Variants in LCT observed in about 807,000 individuals in gnomAD.
LCT encodes lactase/phlorizin hydrolase.
LCT carries 90 observed loss-of-function variants against 173.0 expected under a neutral mutation model. The ratio of observed to expected loss-of-function variants is 0.52; its 90% confidence interval spans 0.44 to 0.62. LCT has a LOEUF of 0.62. Ranked by LOEUF, LCT falls within the 20% of genes least tolerant of loss-of-function variation. The probability of loss-of-function intolerance (pLI) is 0.00; values close to 1 mark genes in which losing one functional copy is unlikely to be tolerated. For missense variants in LCT, 1,864 were observed against 2,431.4 expected (o/e 0.77, Z 4.91); for synonymous variants, 853 against 957.6 (o/e 0.89, Z 2.02).
At chr2:135,827,243 T>C (rs973504335) in intron 3 of LCT, among the ~76,000 whole-genome samples, 3 of 152,204 alleles carry the variant, frequency 2.0e-5, no homozygotes, top group Non-Finnish European at 4.4e-5. Context: ...CCTCCCAAAG[T>C]GCTGGGATTA....
intron 6 of LCT, among the ~76,000 whole-genome samples, chr2:135,815,260 A>C (rs2077769703): frequency 6.6e-6 from 1 of 152,264 alleles, no homozygotes; most frequent in Non-Finnish European, 1.5e-5. Flanking sequence ...AATAAAGGGA[A>C]GAATTGAAGG....
At position 135,817,480 on chromosome 2, in the gene LCT, G is replaced by T; in HGVS notation, c.1568C>A (p.Ala523Glu). Residue 523 changes from alanine to glutamate, a missense_variant, in exon 6 of 17, where the codon GCG (alanine) becomes GAG (glutamate). Physicochemically the swap from Ala to Glu is moderately radical, Grantham distance 107. This residue lies in a region of LCT where 183 missense variants were observed against 293.1 expected (regional missense o/e 0.62). Coordinates refer to ENST00000264162, the MANE Select transcript of LCT (RefSeq NM_002299.4). ...CCCAAATGTGGAGAAGCAGAAGGCC[G>T]CATAGTCCAGGAAGGCATCCACCAC... Reference protein sequence around the residue: ...ESVVDAFLDYAAFCFSTFGDR... With the variant: ...ESVVDAFLDYEAFCFSTFGDR... The T allele has an allele frequency of 6.2e-7, 1 of 1,614,174 alleles. No homozygotes were observed. The highest frequency in any genetic ancestry group is 1.1e-5 in the South Asian group (1 of 91,090).
intron 2 of LCT, among the ~76,000 whole-genome samples, chr2:135,831,437 G>A (rs1180684772): frequency 2.0e-5 from 3 of 152,096 alleles, no homozygotes; most frequent in African/African-American, 4.8e-5. Context: ...TGTGGGATTC[G>A]TCCCACTCGG....
intron 9 of LCT, among the ~76,000 whole-genome samples, chr2:135,806,832 T>C (rs1408358750): frequency 1.3e-5 from 2 of 152,200 alleles, no homozygotes; most frequent in Admixed American, 1.3e-4. Flanking sequence ...TTGTGAGCAA[T>C]GCGTGACTGT....
rs1186807072 is a variant in LCT, at chr2:135,836,758, C to T, written c.412G>A (p.Ala138Thr). Residue 138 changes from alanine (A) to threonine (T), a missense_variant, in exon 1 of 17, where the codon GCC becomes ACC. By Grantham distance (58) the Ala-to-Thr change is moderately conservative. Coordinates refer to ENST00000264162, the MANE Select transcript of LCT (RefSeq NM_002299.4). ...GCTTCGGTTCTCCGGAGGGTGCTGGCAGGGAGGGTCTGGTGGTGCAGGATG... is the reference window on the plus strand; with the variant it reads ...GCTTCGGTTCTCCGGAGGGTGCTGGTAGGGAGGGTCTGGTGGTGCAGGATG... ...MVILHHQTLPASTLRRTEAFA... is the reference protein window; with the variant it reads ...MVILHHQTLPTSTLRRTEAFA... 6.2e-7 allele frequency: 1 copy of T among 1,614,106 alleles called. No individual in the cohort carries two copies. The highest frequency in any genetic ancestry group is 1.7e-5 in the Admixed American group (1 of 60,014).
At chr2:135,824,820 T>C (rs2077870725) in intron 3 of LCT, among the ~76,000 whole-genome samples, 1 of 151,916 alleles carries the variant, frequency 6.6e-6, no homozygotes, top group South Asian at 2.1e-4. Context: ...CTGATCAACA[T>C]GGTGAAACCC....
intron 4 of LCT, among the ~76,000 whole-genome samples, chr2:135,823,662 T>G (rs1205663964): frequency 6.6e-6 from 1 of 152,202 alleles, no homozygotes; most frequent in Non-Finnish European, 1.5e-5. Context: ...TAACTATCTT[T>G]ATGTCCATAA....
rs1313204672 is a variant in LCT, at chr2:135,798,799, T to C, written c.4867-661A>G. On this transcript the variant is annotated intron_variant, in intron 12 of 16. Coordinates refer to ENST00000264162, the MANE Select transcript of LCT (RefSeq NM_002299.4). ...CTCACCCACTGGCTGCTGCTGGGAA[T>C]GTGGGGTGAGGGCAGCTTCCACTCA... Among the ~76,000 whole-genome samples the C allele has an allele frequency of 2.6e-5, 4 of 152,130 alleles. No homozygotes were observed. In the South Asian group the frequency reaches 8.4e-4, roughly 32 times the overall value.
intron 13 of LCT, among the ~76,000 whole-genome samples, chr2:135,795,103 A>T (rs1448885644): frequency 6.6e-6 from 1 of 152,258 alleles, no homozygotes; most frequent in East Asian, 1.9e-4. Flanking sequence ...TTCAAACAAC[A>T]TATGCAAATT....
intron 2 of LCT, 22 bp from the exon 3 acceptor site, chr2:135,829,698 G>C (rs1460987029): frequency 2.0e-6 from 3 of 1,526,004 alleles, no homozygotes; most frequent in Admixed American, 3.3e-5. Context: ...AGTTAAATAG[G>C]GTCATTAGAA....
intron 6 of LCT, among the ~76,000 whole-genome samples, chr2:135,814,976 G>A (rs1022018434): frequency 6.6e-6 from 1 of 152,080 alleles, no homozygotes; most frequent in South Asian, 2.1e-4. Flanking sequence ...GTGAGGGTGG[G>A]ACTCTCATGG....
chr2:135,825,124 T>G (rs730005), intron 3 of LCT, among the ~76,000 whole-genome samples: 4 of 152,288 alleles, frequency 2.6e-5, no homozygotes, highest in South Asian at 4.1e-4. Flanking sequence ...GACATGCTGT[T>G]TGACTTCACT....
intron 7 of LCT, among the ~76,000 whole-genome samples, chr2:135,810,901 C>A (rs978518873): frequency 1.3e-5 from 2 of 152,082 alleles, no homozygotes; most frequent in South Asian, 2.1e-4. Flanking sequence ...GTGACGGGAG[C>A]CTGTAGTCCC....
At position 135,800,752 on chromosome 2, in the gene LCT, G is replaced by A; in HGVS notation, c.4721C>T (p.Ala1574Val). Residue 1574 changes from alanine (A) to valine (V), a missense_variant, in exon 12 of 17, where the codon GCT becomes GTT. By Grantham distance (64) the Ala-to-Val change is moderately conservative. Around this residue, in one of 4 missense-constraint regions of LCT, gnomAD observed 514 missense variants for 750.1 expected, o/e 0.69. Transcript: ENST00000264162. ...GTACAGATGCCAGGCCTCAGCATGA[G>A]CCTTTATTAGATTGTGGCCAACAAT... is the stretch of plus-strand genomic sequence containing the variant. ...PYIVGHNLIK[A>V]HAEAWHLYND... The A allele has an allele frequency of 1.9e-6, 3 of 1,614,178 alleles. No individual in the cohort carries two copies. The highest frequency in any genetic ancestry group is 2.5e-6 in the Non-Finnish European group (3 of 1,180,034).
chr2:135,822,101 G>A lies in LCT; in HGVS notation c.908-3C>T. On this transcript the variant is annotated splice_region_variant and splice_polypyrimidine_tract_variant and intron_variant, in intron 4 of 16. Coordinates refer to ENST00000264162, the MANE Select transcript of LCT (RefSeq NM_002299.4). ...GAGCACTTGGTCTTTATTTATGGCT[G>A]TAAGAGAAGAAATTGAATTAACTCT... The A allele has an allele frequency of 1.3e-6, 2 of 1,554,966 alleles. No homozygotes were observed. Among genetic ancestry groups the A allele is most frequent in the Non-Finnish European group, 1.8e-6 (2 of 1,126,036 alleles).
Position 135,790,692 on chromosome 2 carries a change from G to T in LCT, c.5301C>A (p.Tyr1767Ter). ...ETDLNDTARI[Y>*]YLRTYINEAL... ...CCTCATTGATGTAAGTCCGAAGGTAGTAGATCCTTGCAGTGTCATTGAGGT... is the reference window on the plus strand; with the variant it reads ...CCTCATTGATGTAAGTCCGAAGGTATTAGATCCTTGCAGTGTCATTGAGGT... Residue 1767 changes from tyrosine (Y) to a stop codon, truncating the protein, a stop_gained, in exon 15 of 17, where the codon TAC becomes TAA. Coordinates refer to ENST00000264162, the MANE Select transcript of LCT (RefSeq NM_002299.4). LOFTEE classifies it high-confidence loss of function. The surrounding 1 kb of genome is among the most constrained non-coding windows in gnomAD (Gnocchi z 4.1). 6.2e-7 allele frequency: 1 copy of T among 1,613,114 alleles called. No homozygotes were observed. The highest frequency in any genetic ancestry group is 8.5e-7 in the Non-Finnish European group (1 of 1,179,810).
intron 6 of LCT, 73 bp from the exon 7 acceptor site, chr2:135,813,029 AT>A: frequency 7.5e-7 from 1 of 1,334,972 alleles, no homozygotes; most frequent in Admixed American, 1.9e-5. Context: ...TAATGAACCA[AT>A]AACAAGTCAA....
chr2:135,790,536 G>A lies in LCT; in HGVS notation c.5335+122C>T. 1 of 683,956 alleles carries A rather than the reference G, an allele frequency of 1.5e-6. No homozygotes were observed. The highest frequency in any genetic ancestry group is 1.8e-5 in the South Asian group (1 of 55,500). The allele number at this position is 683,956 out of a possible 1,614,324, so 42.4% of individuals were successfully genotyped here. A position where few individuals can be genotyped will look rare whatever the true frequency, so the allele number is the denominator to read the frequency against. ...CTAAAGCAAAGCTTAACCCCCACAG[G>A]AGCAAGAAGGCTTATCGTTCTCTTC... is the stretch of plus-strand genomic sequence containing the variant. On this transcript the variant is annotated intron_variant, in intron 15 of 16. Transcript: ENST00000264162. The surrounding 1 kb of genome is among the most constrained non-coding windows in gnomAD (Gnocchi z 4.1).
Position 135,788,073 on chromosome 2 carries a change from C to G in LCT, c.*251G>C. The G allele has an allele frequency of 1.9e-6, 1 of 528,870 alleles. No individual in the cohort carries two copies. The highest frequency in any genetic ancestry group is 3.4e-6 in the Non-Finnish European group (1 of 293,348). The allele number at this position is 528,870 out of a possible 1,614,324, so 32.8% of individuals were successfully genotyped here. ...GTTCACAGACCCACTAGACCAGTATCTACACGTTTCCGCAAGAGCTACTTG... is the reference window on the plus strand; with the variant it reads ...GTTCACAGACCCACTAGACCAGTATGTACACGTTTCCGCAAGAGCTACTTG... On this transcript the variant is annotated 3_prime_UTR_variant, in exon 17 of 17. Transcript: ENST00000264162.
Sources: allele counts gnomAD v4.1 joint callset (sites outside exome capture counted in the v4.1 genomes callset), GRCh38; gene constraint gnomAD v4.1.1; regional missense constraint gnomAD v4.1.1; non-coding constraint Gnocchi (gnomAD v3.1); transcripts MANE v1.5; gene names NCBI Gene and HGNC (gene_info 2026-07-23, HGNC 2026-07-21).